TOX: variants seen among roughly 807,000 people sequenced by gnomAD.
TOX encodes the protein thymocyte selection associated high mobility group box.
A neutral mutation model predicts 53.7 loss-of-function variants in TOX; 11 were observed. The observed-to-expected ratio is 0.20, with a 90% CI of 0.13 to 0.34. TOX has a LOEUF of 0.34. Among genes scored for constraint, TOX ranks in the 10% least tolerant of loss-of-function variants. The pLI, the probability that TOX is intolerant of heterozygous loss-of-function variation, is 1.00. For synonymous variants in TOX, 225 were observed against 245.3 expected (o/e 0.92, Z 0.77); for missense variants, 570 against 664.6 (o/e 0.86, Z 1.56).
intron 3 of TOX, among the ~76,000 whole-genome samples, chr8:58,863,147 T>C (rs1039366906): frequency 6.6e-6 from 1 of 152,196 alleles, no homozygotes; most frequent in Non-Finnish European, 1.5e-5. Flanking sequence ...ACAAGTGGCA[T>C]AAATAAATTT....
At chr8:59,015,197 C>G (rs1380573787) in intron 1 of TOX, among the ~76,000 whole-genome samples, 1 of 152,228 alleles carries the variant, frequency 6.6e-6, no homozygotes, top group African/African-American at 2.4e-5. Flanking sequence ...TTAACACTTT[C>G]TTTCTGAGTT....
chr8:58,874,861 C>G (rs1025788695), intron 3 of TOX, among the ~76,000 whole-genome samples: 1 of 152,170 alleles, frequency 6.6e-6, no homozygotes, highest in South Asian at 2.1e-4. Context: ...TGTCTTGGGC[C>G]ACACATAAAA....
intron 1 of TOX, among the ~76,000 whole-genome samples, chr8:59,021,080 G>C (rs1317773405): frequency 8.0e-6 from 1 of 125,748 alleles, no homozygotes; most frequent in Non-Finnish European, 1.6e-5. Context: ...CTGCACTCCA[G>C]CCTGTGTGAC....
intron 1 of TOX, among the ~76,000 whole-genome samples, chr8:59,001,416 C>T (rs927140142): frequency 4.6e-5 from 7 of 152,178 alleles, no homozygotes; most frequent in African/African-American, 1.4e-4. Context: ...AAAATTCACT[C>T]AGAAACAGGC....
chr8:59,061,015 A>T (rs1028462344), intron 1 of TOX, among the ~76,000 whole-genome samples: 1 of 152,168 alleles, frequency 6.6e-6, no homozygotes, highest in Non-Finnish European at 1.5e-5. Flanking sequence ...ATCACTCCCT[A>T]CTCAAAATCT....
intron 1 of TOX, among the ~76,000 whole-genome samples, chr8:59,021,591 A>G (rs1814137397): frequency 6.6e-6 from 1 of 150,534 alleles, no homozygotes; most frequent in Non-Finnish European, 1.5e-5. Flanking sequence ...AATCCTCCAG[A>G]AAGGAAAGTC....
intron 1 of TOX, among the ~76,000 whole-genome samples, chr8:59,059,120 G>A: frequency 6.6e-6 from 1 of 152,338 alleles, no homozygotes; most frequent in Non-Finnish European, 1.5e-5. Flanking sequence ...AGAGAAGATA[G>A]AGGTATTTTA....
At chr8:59,051,794 A>G (rs1243622129) in intron 1 of TOX, among the ~76,000 whole-genome samples, 2 of 152,172 alleles carry the variant, frequency 1.3e-5, no homozygotes, top group African/African-American at 4.8e-5. Context: ...CAGATGATGG[A>G]AAAAGTTGAA....
intron 1 of TOX, among the ~76,000 whole-genome samples, chr8:59,008,430 C>G (rs1278288746): frequency 6.6e-6 from 1 of 152,216 alleles, no homozygotes; most frequent in Non-Finnish European, 1.5e-5. Context: ...CTCACTCAAA[C>G]CGAGCCCTGT....
intron 1 of TOX, among the ~76,000 whole-genome samples, chr8:59,092,363 A>C (rs1374421358): frequency 1.1e-5 from 1 of 94,682 alleles, no homozygotes; most frequent in Non-Finnish European, 1.8e-5. Flanking sequence ...TATTATATAT[A>C]TATAATAAAA....
At chr8:58,908,092 T>C (rs1374672259) in intron 3 of TOX, among the ~76,000 whole-genome samples, 2 of 152,172 alleles carry the variant, frequency 1.3e-5, no homozygotes, top group Non-Finnish European at 2.9e-5. Flanking sequence ...TCTCTCTGCC[T>C]TTCCCAGAGC....
At chr8:58,892,060 A>G (rs987114910) in intron 3 of TOX, among the ~76,000 whole-genome samples, 22 of 152,214 alleles carry the variant, frequency 1.4e-4, no homozygotes, top group Admixed American at 1.4e-3. Context: ...AAACTCTGCC[A>G]TTCCTGGGTA....
At chr8:59,104,849 A>C (rs961090666) in intron 1 of TOX, among the ~76,000 whole-genome samples, 1 of 152,152 alleles carries the variant, frequency 6.6e-6, no homozygotes, top group African/African-American at 2.4e-5. Flanking sequence ...TCCAACTTCA[A>C]CTTTTCCTTT....
intron 3 of TOX, among the ~76,000 whole-genome samples, chr8:58,852,769 AAG>A (rs1810847019): frequency 6.6e-6 from 1 of 152,192 alleles, no homozygotes; most frequent in Admixed American, 6.5e-5. Context: ...CACACAAAAC[AAG>A]AGAGAAAAAC....
chr8:58,817,264 A>G (rs1013026307), intron 6 of TOX, among the ~76,000 whole-genome samples: 4 of 152,174 alleles, frequency 2.6e-5, no homozygotes, highest in South Asian at 2.1e-4. Flanking sequence ...AGGAACAAAC[A>G]TATAGACTCC....
intron 1 of TOX, among the ~76,000 whole-genome samples, chr8:59,005,982 C>A (rs1813784361): frequency 6.6e-6 from 1 of 152,224 alleles, no homozygotes; most frequent in African/African-American, 2.4e-5. Flanking sequence ...CGGCCCTTGG[C>A]TGCTGTCCAT....
intron 4 of TOX, among the ~76,000 whole-genome samples, chr8:58,840,209 A>G (rs776666022): frequency 3.0e-4 from 46 of 152,334 alleles, no homozygotes; most frequent in Middle Eastern, 3.4e-3. Flanking sequence ...CTTTATTGAG[A>G]AACCTATTAA....
intron 1 of TOX, among the ~76,000 whole-genome samples, chr8:58,971,547 C>T (rs1563405162): frequency 6.6e-6 from 1 of 152,212 alleles, no homozygotes; most frequent in African/African-American, 2.4e-5. Flanking sequence ...GTACTTCCCC[C>T]TCATGGCAAG....
At chr8:59,032,691 T>G (rs1814380149) in intron 1 of TOX, among the ~76,000 whole-genome samples, 3 of 152,168 alleles carry the variant, frequency 2.0e-5, no homozygotes, top group African/African-American at 7.2e-5. Flanking sequence ...AAGGTCAATG[T>G]TATCTCAATT....
Sources: allele counts gnomAD v4.1 joint callset (sites outside exome capture counted in the v4.1 genomes callset), GRCh38; gene constraint gnomAD v4.1.1; transcripts MANE v1.5; gene names NCBI Gene and HGNC (gene_info 2026-07-23, HGNC 2026-07-21).